SRL: variants seen among roughly 807,000 people sequenced by gnomAD.
SRL encodes the protein sarcalumenin.
In SRL, 23 loss-of-function variants were observed where a neutral mutation model predicts 39.5. The observed-to-expected ratio is 0.58, with a 90% CI of 0.42 to 0.82. The LOEUF (loss-of-function observed/expected upper bound fraction) is 0.82. Ranked by LOEUF, SRL falls within the 40% of genes least tolerant of loss-of-function variation. The pLI, the probability that SRL is intolerant of heterozygous loss-of-function variation, is 0.00. For synonymous variants in SRL, 272 were observed against 237.4 expected (o/e 1.15, Z -1.34); for missense variants, 592 against 607.8 (o/e 0.97, Z 0.27).
Position 4,190,423 on chromosome 16 carries a change from G to C in SRL, c.*1730C>G, listed in dbSNP as rs1259798375. The C allele has an allele frequency of 1.0e-5, 4 of 398,612 alleles. No homozygotes were observed. The highest frequency in any genetic ancestry group is 8.2e-5 in the African/African-American group (4 of 48,630). 24.7% of individuals were successfully genotyped at this position (398,612 alleles called of 1,614,324 possible). A position where few individuals can be genotyped will look rare whatever the true frequency, so the allele number is the denominator to read the frequency against. The stretch of plus-strand genomic sequence containing the variant: ...TTGTTCCCAAGAGAAGCGGCTGGCT[G>C]TGTACAAAGGAGCCCCTCGAGGCAG... On this transcript the variant is annotated 3_prime_UTR_variant, in exon 6 of 6. Transcript: ENST00000399609.
intron 1 of SRL, among the ~76,000 whole-genome samples, chr16:4,240,041 G>A (rs995580603): frequency 2.0e-5 from 3 of 152,206 alleles, no homozygotes; most frequent in Admixed American, 2.0e-4. Flanking sequence ...GAGGCGAGAA[G>A]GAGGGCTGCA....
intron 1 of SRL, among the ~76,000 whole-genome samples, chr16:4,230,444 G>A (rs952779711): frequency 8.0e-5 from 12 of 149,954 alleles, no homozygotes; most frequent in Admixed American, 2.7e-4. Context: ...ATGGTGGTGC[G>A]ATCTCGGCTC....
At chr16:4,219,746 C>T (rs1256004340) in intron 1 of SRL, among the ~76,000 whole-genome samples, 1 of 152,154 alleles carries the variant, frequency 6.6e-6, no homozygotes, top group Non-Finnish European at 1.5e-5. Context: ...CAGGTGTGAG[C>T]CACCACGCCT....
intron 1 of SRL, among the ~76,000 whole-genome samples, chr16:4,221,094 G>A (rs939903901): frequency 2.0e-5 from 3 of 151,754 alleles, no homozygotes; most frequent in African/African-American, 7.3e-5. Flanking sequence ...TGTCGCTCAG[G>A]CTGGAGTGCA....
Position 4,190,803 on chromosome 16 carries a change from T to A in SRL, c.*1350A>T. The A allele has an allele frequency of 4.1e-6, 1 of 240,974 alleles. No homozygotes were observed. The highest frequency in any genetic ancestry group is 8.0e-6 in the Non-Finnish European group (1 of 125,666). The allele number at this position is 240,974 out of a possible 1,614,324, so 14.9% of individuals were successfully genotyped here. ...GTGCTGGTTCTGACTCCTAGGAAAT[T>A]GCTCCAAGTAAGTGTTGATGCATCA... is the stretch of plus-strand genomic sequence containing the variant. On this transcript the variant is annotated 3_prime_UTR_variant, in exon 6 of 6. Transcript: ENST00000399609.
intron 1 of SRL, among the ~76,000 whole-genome samples, chr16:4,241,706 C>T (rs900876578): frequency 6.6e-6 from 1 of 152,160 alleles, no homozygotes; most frequent in Admixed American, 6.5e-5. Context: ...ACTTTGAGGG[C>T]CCTCTTTCCC....
At chr16:4,229,664 A>G (rs1032406184) in intron 1 of SRL, among the ~76,000 whole-genome samples, 2 of 152,048 alleles carry the variant, frequency 1.3e-5, no homozygotes, top group Non-Finnish European at 1.5e-5. Context: ...GTGTTGACAA[A>G]CTACCTATTG....
rs59279706 is a variant in SRL at position 4,239,635 on chromosome 16, G to A, written c.61+2372C>T. On this transcript the variant is annotated intron_variant, in intron 1 of 5. Coordinates refer to ENST00000399609, the MANE Select transcript of SRL (RefSeq NM_001098814.2). Reference sequence around the variant, plus strand: ...CCTTTCTCCTCCTTTCACACTCACCGTACAGGGAGAGAGGGGCTTGGGAGT... The same window carrying A: ...CCTTTCTCCTCCTTTCACACTCACCATACAGGGAGAGAGGGGCTTGGGAGT... 1.9e-4 allele frequency: 29 copies of A among 152,442 alleles called. No individual in the cohort carries two copies. The East Asian group carries it at 3.9e-3, about 20-fold the overall frequency. The allele number at this position is 152,442 out of a possible 1,614,324, so 9.4% of individuals were successfully genotyped here.
At chr16:4,214,598 CAG>C (rs1232207501) in intron 1 of SRL, among the ~76,000 whole-genome samples, 1 of 152,014 alleles carries the variant, frequency 6.6e-6, no homozygotes, top group Non-Finnish European at 1.5e-5. Flanking sequence ...ATTCAGAAAA[CAG>C]AGTTCATGCC....
At chr16:4,203,369 G>T in intron 2 of SRL, 108 bp from the exon 3 acceptor site, 1 of 841,532 alleles carries the variant, frequency 1.2e-6, no homozygotes, top group South Asian at 1.4e-5. Flanking sequence ...CCTGCCTGGT[G>T]GGCAGCAAGT....
intron 1 of SRL, among the ~76,000 whole-genome samples, chr16:4,234,747 T>C (rs559483600): frequency 1.5e-4 from 23 of 152,334 alleles, no homozygotes; most frequent in African/African-American, 5.3e-4. Flanking sequence ...TTAGCAGCCG[T>C]GCTCGCCATG....
intron 4 of SRL, among the ~76,000 whole-genome samples, chr16:4,196,924 AAC>A (rs1168977414): frequency 4.6e-5 from 7 of 152,172 alleles, no homozygotes; most frequent in Non-Finnish European, 1.0e-4. Context: ...TTTATGTATG[AAC>A]AGACCACATT....
At chr16:4,232,207 C>T (rs1004853557) in intron 1 of SRL, among the ~76,000 whole-genome samples, 3 of 152,174 alleles carry the variant, frequency 2.0e-5, no homozygotes, top group South Asian at 2.1e-4. Flanking sequence ...CTTGGGAGCC[C>T]GAGGCCAGGA....
intron 1 of SRL, among the ~76,000 whole-genome samples, chr16:4,220,284 C>CACACACACACACACAG (rs2052508719): frequency 6.8e-6 from 1 of 148,082 alleles, no homozygotes; most frequent in Non-Finnish European, 1.5e-5. Context: ...CTAAAACACA[C>CACACACACACACACAG]ACACACACAC....
intron 1 of SRL, among the ~76,000 whole-genome samples, chr16:4,222,365 C>T (rs999997311): frequency 2.0e-5 from 3 of 152,222 alleles, no homozygotes; most frequent in Admixed American, 6.5e-5. Context: ...ACCTCCACCT[C>T]CTGGGTTCAA....
intron 1 of SRL, among the ~76,000 whole-genome samples, chr16:4,235,897 A>G (rs1404972440): frequency 2.0e-5 from 3 of 151,514 alleles, no homozygotes; most frequent in South Asian, 4.2e-4. Flanking sequence ...AACCAGCCTG[A>G]CCAACATGGA....
Position 4,190,533 on chromosome 16 carries a change from G to A in SRL, c.*1620C>T. ...AGGCTGCTTCTTCCCTGCAGGTCCT[G>A]CCCCTCTGCTCCCCACCACCTGCTG... On this transcript the variant is annotated 3_prime_UTR_variant, in exon 6 of 6. Transcript: ENST00000399609. 1 of 398,854 alleles carries A rather than the reference G, an allele frequency of 2.5e-6. No homozygotes were observed. The highest frequency in any genetic ancestry group is 4.4e-6 in the Non-Finnish European group (1 of 226,338). 24.7% of individuals were successfully genotyped at this position (398,854 alleles called of 1,614,324 possible).
intron 1 of SRL, among the ~76,000 whole-genome samples, chr16:4,241,805 C>G (rs989340687): frequency 6.6e-6 from 1 of 152,186 alleles, no homozygotes; most frequent in Non-Finnish European, 1.5e-5. Flanking sequence ...CTGAGGGCCC[C>G]GCAACTGTGC....
chr16:4,209,561 G>C (rs558388683), intron 1 of SRL, among the ~76,000 whole-genome samples: 1 of 152,264 alleles, frequency 6.6e-6, no homozygotes, highest in South Asian at 2.1e-4. Context: ...ACTTCTTGGA[G>C]TACCCCTTCT....
Sources: allele counts gnomAD v4.1 joint callset (sites outside exome capture counted in the v4.1 genomes callset), GRCh38; gene constraint gnomAD v4.1.1; transcripts MANE v1.5; gene names NCBI Gene and HGNC (gene_info 2026-07-23, HGNC 2026-07-21).